STARD13: variants seen among roughly 807,000 people sequenced by gnomAD.
The protein encoded by STARD13 is StAR related lipid transfer domain containing 13.
A neutral mutation model predicts 106.4 loss-of-function variants in STARD13; 62 were observed. The ratio of observed to expected loss-of-function variants is 0.58; its 90% confidence interval spans 0.48 to 0.72. The LOEUF (loss-of-function observed/expected upper bound fraction) is 0.72. Ranked by LOEUF, STARD13 falls within the 30% of genes least tolerant of loss-of-function variation. The pLI, the probability that STARD13 is intolerant of heterozygous loss-of-function variation, is 0.00. For missense variants in STARD13, 1,387 were observed against 1,424.0 expected (o/e 0.97, Z 0.42); for synonymous variants, 565 against 553.0 (o/e 1.02, Z -0.31).
rs568193529 is a variant in STARD13 at position 33,123,055 on chromosome 13, C to A, written c.2082+3026G>T. On this transcript the variant is annotated intron_variant, in intron 7 of 13. Transcript: ENST00000336934. ...TGGGTGACAGAGCAAGACTCCATCTCAAAAAAAAAAAAAAAAAAAAAAAAG... is the reference window on the plus strand; with the variant it reads ...TGGGTGACAGAGCAAGACTCCATCTAAAAAAAAAAAAAAAAAAAAAAAAAG... Among the ~76,000 whole-genome samples the A allele has an allele frequency of 4.9e-3, 226 of 45,852 alleles. 3 individuals carry two copies. The highest frequency in any genetic ancestry group is 6.7e-3 in the Non-Finnish European group (177 of 26,422). The allele number at this position is 45,852 out of a possible 152,430, so 30.1% of individuals were successfully genotyped here.
chr13:33,581,109 T>C, the STARD13 span, among the ~76,000 whole-genome samples: 1 of 152,178 alleles, frequency 6.6e-6, no homozygotes, highest in Non-Finnish European at 1.5e-5. Flanking sequence ...AATTAGCCTT[T>C]TTCTCATGCT....
At chr13:33,292,136 A>T (rs1892317243) in intron 1 of STARD13, among the ~76,000 whole-genome samples, 1 of 152,226 alleles carries the variant, frequency 6.6e-6, no homozygotes, top group Non-Finnish European at 1.5e-5. Context: ...ATCCATTCAC[A>T]GATATGCAAG....
the STARD13 span, chr13:33,524,155 C>T: frequency 3.0e-6 from 2 of 666,632 alleles, no homozygotes; most frequent in Non-Finnish European, 4.0e-6. Flanking sequence ...GAACACAGTG[C>T]TGTTTTTACC....
In STARD13 at chr13:33,104,322, G is replaced by A. The variant is rs1217358758; in HGVS notation, c.*1271C>T. ...TAAATAAGGTTGGGTCAAATGCATAGGTAGCTTGGACTGGCTAGTGAAGAA... is the reference window on the plus strand; with the variant it reads ...TAAATAAGGTTGGGTCAAATGCATAAGTAGCTTGGACTGGCTAGTGAAGAA... On this transcript the variant is annotated 3_prime_UTR_variant, in exon 14 of 14. Coordinates refer to ENST00000336934, the MANE Select transcript of STARD13 (RefSeq NM_178006.4). 2 of 152,414 alleles carry A rather than the reference G, an allele frequency of 1.3e-5. No homozygotes were observed. Among genetic ancestry groups the A allele is most frequent in the African/African-American group, 2.4e-5 (1 of 41,454 alleles). The allele number at this position is 152,414 out of a possible 1,614,324, so 9.4% of individuals were successfully genotyped here.
chr13:33,155,003 C>T (rs537910330), intron 3 of STARD13, among the ~76,000 whole-genome samples: 1 of 152,188 alleles, frequency 6.6e-6, no homozygotes, highest in Admixed American at 6.5e-5. Flanking sequence ...CCTGCCTGCC[C>T]GTAGAGAGGA....
chr13:33,221,890 C>T (rs1888376445), intron 1 of STARD13, among the ~76,000 whole-genome samples: 1 of 152,212 alleles, frequency 6.6e-6, no homozygotes. Flanking sequence ...GTGGCTCCCA[C>T]CTGTAATCCC....
At chr13:33,494,216 A>T in the STARD13 span, among the ~76,000 whole-genome samples, 1 of 152,096 alleles carries the variant, frequency 6.6e-6, no homozygotes, top group Non-Finnish European at 1.5e-5. Context: ...TAGAACTGCA[A>T]ACCTTCACTC....
chr13:33,112,670 G>T (rs1466271477), intron 9 of STARD13, 51 bp downstream of exon 9: 1 of 1,427,480 alleles, frequency 7.0e-7, no homozygotes, highest in Non-Finnish European at 9.6e-7. Flanking sequence ...CTTATGAACT[G>T]TGGGAATGCC....
the STARD13 span, among the ~76,000 whole-genome samples, chr13:33,646,709 C>G: frequency 2.0e-3 from 300 of 151,898 alleles, 2 homozygotes; most frequent in African/African-American, 6.7e-3. Context: ...TTTAGGTCAA[C>G]TGTAACTATT....
chr13:33,435,255 C>T, the STARD13 span, among the ~76,000 whole-genome samples: 1 of 152,110 alleles, frequency 6.6e-6, no homozygotes, highest in Admixed American at 6.6e-5. Flanking sequence ...AATTCCACTG[C>T]GAGAGGTAGG....
At chr13:33,305,825 C>T (rs1446031853) in intron 1 of STARD13, among the ~76,000 whole-genome samples, 1 of 152,112 alleles carries the variant, frequency 6.6e-6, no homozygotes, top group Admixed American at 6.5e-5. Context: ...TATCTTATAC[C>T]CATCACTTCT....
At chr13:33,462,716 G>A in the STARD13 span, among the ~76,000 whole-genome samples, 3 of 152,100 alleles carry the variant, frequency 2.0e-5, no homozygotes, top group Non-Finnish European at 2.9e-5. Flanking sequence ...AGATGAAGGC[G>A]GGAAGACTCA....
At chr13:33,378,247 C>T in the STARD13 span, among the ~76,000 whole-genome samples, 1 of 152,194 alleles carries the variant, frequency 6.6e-6, no homozygotes, top group Non-Finnish European at 1.5e-5. Context: ...CCAGCTGAGA[C>T]TCCACTCCCA....
At chr13:33,169,873 G>A (rs1281172707) in intron 1 of STARD13, among the ~76,000 whole-genome samples, 2 of 152,092 alleles carry the variant, frequency 1.3e-5, no homozygotes, top group Admixed American at 6.6e-5. Context: ...GAGAAGAAGT[G>A]GGCAGCCAGG....
intron 1 of STARD13, among the ~76,000 whole-genome samples, chr13:33,241,009 A>C (rs902666601): frequency 1.1e-4 from 16 of 152,200 alleles, no homozygotes; most frequent in African/African-American, 3.9e-4. Context: ...TGTCATCTGC[A>C]AACAGAGATA....
the STARD13 span, among the ~76,000 whole-genome samples, chr13:33,489,669 C>T: frequency 6.6e-6 from 1 of 152,118 alleles, no homozygotes; most frequent in Admixed American, 6.5e-5. Flanking sequence ...TTTACTTATC[C>T]AGCTTCTACG....
At chr13:33,119,922 T>C (rs1236347640) in intron 7 of STARD13, among the ~76,000 whole-genome samples, 1 of 152,200 alleles carries the variant, frequency 6.6e-6, no homozygotes, top group East Asian at 1.9e-4. Flanking sequence ...AAAGAAAGCA[T>C]GTACTGTCAA....
intron 1 of STARD13, among the ~76,000 whole-genome samples, chr13:33,168,922 T>C (rs947416863): frequency 8.5e-5 from 13 of 152,228 alleles, no homozygotes; most frequent in African/African-American, 2.4e-4. Flanking sequence ...AAATCTAGAT[T>C]GAACTTTGTC....
chr13:33,656,863 A>C, the STARD13 span: 10,774 of 152,336 alleles, frequency 0.071, 688 homozygotes, highest in Admixed American at 0.2. Context: ...CGGCTGCCCC[A>C]GGTACTGTCA....
Sources: allele counts gnomAD v4.1 joint callset (sites outside exome capture counted in the v4.1 genomes callset), GRCh38; gene constraint gnomAD v4.1.1; transcripts MANE v1.5; gene names NCBI Gene and HGNC (gene_info 2026-07-23, HGNC 2026-07-21).